The following SLC17A7 variants were observed in gnomAD, a reference collection of about 807,000 sequenced individuals.
SLC17A7 encodes the protein vesicular glutamate transporter 1.
A neutral mutation model predicts 59.1 loss-of-function variants in SLC17A7; 15 were observed. The observed-to-expected ratio is 0.25, with a 90% CI of 0.17 to 0.39. SLC17A7 has a LOEUF of 0.39. Among genes scored for constraint, SLC17A7 ranks in the 10% least tolerant of loss-of-function variants. The pLI, the probability that SLC17A7 is intolerant of heterozygous loss-of-function variation, is 1.00. For synonymous variants in SLC17A7, 353 were observed against 308.9 expected (o/e 1.14, Z -1.50); for missense variants, 499 against 765.1 (o/e 0.65, Z 4.10).
At chr19:49,439,607 A>G (rs1035223100) in intron 1 of SLC17A7, among the ~76,000 whole-genome samples, 3 of 152,096 alleles carry the variant, frequency 2.0e-5, no homozygotes, top group Non-Finnish European at 4.4e-5. Flanking sequence ...ATGGAGCCTC[A>G]GTTTCCCCAT....
chr19:49,439,062 C>G (rs947761477), intron 1 of SLC17A7, among the ~76,000 whole-genome samples: 5 of 152,054 alleles, frequency 3.3e-5, no homozygotes, highest in African/African-American at 9.7e-5. Context: ...AGATGTAAAT[C>G]CCCCTCCCCT....
Position 49,429,891 on chromosome 19 carries a change from G to A in SLC17A7, c.*628C>T, listed in dbSNP as rs2078951163. 7.7e-6 allele frequency: 2 copies of A among 259,454 alleles called. No individual in the cohort carries two copies. Among genetic ancestry groups the A allele is most frequent in the Admixed American group, 5.4e-5 (1 of 18,376 alleles). The allele number at this position is 259,454 out of a possible 1,614,324, so 16.1% of individuals were successfully genotyped here. On this transcript the variant is annotated 3_prime_UTR_variant, in exon 12 of 12. Transcript: ENST00000221485. Reference sequence around the variant, plus strand: ...AGACATTATGCTAAGCTAGGGAGAAGAGGGTCTTGAGAAATTTGGTGCTTT... The same window carrying A: ...AGACATTATGCTAAGCTAGGGAGAAAAGGGTCTTGAGAAATTTGGTGCTTT...
At position 49,430,667 on chromosome 19, in the gene SLC17A7, C is replaced by T. The variant is rs1190319824; in HGVS notation, c.1535G>A (p.Gly512Asp). 1.2e-6 allele frequency: 2 copies of T among 1,614,150 alleles called. No individual in the cohort carries two copies. Among genetic ancestry groups the T allele is most frequent in the Non-Finnish European group, 1.7e-6 (2 of 1,180,000 alleles). ...EMSEEKCGFV[G>D]HDQLAGSDDS... is the part of the protein sequence containing the mutation. Reference sequence around the variant, plus strand: ...GTCACTGCCAGCCAGCTGGTCATGGCCAACGAAGCCACACTTCTCCTCGCT... The same window carrying T: ...GTCACTGCCAGCCAGCTGGTCATGGTCAACGAAGCCACACTTCTCCTCGCT... The change falls in exon 12 of 12, where the codon GGC becomes GAC. Residue 512 changes from glycine (G) to aspartate (D), a missense_variant. Physicochemically the swap from Gly to Asp is moderately conservative, Grantham distance 94. Transcript: ENST00000221485.
chr19:49,433,688 T>A lies in SLC17A7; in HGVS notation c.867+38A>T. 3 of 1,613,916 alleles carry A rather than the reference T, an allele frequency of 1.9e-6. No individual in the cohort carries two copies. Among genetic ancestry groups the A allele is most frequent in the Non-Finnish European group, 2.5e-6 (3 of 1,179,910 alleles). ...CGCTGTGCAGGTTCGTGGCTTGCTA[T>A]CTCTCCCCGCCCCTTCCCCGAAGAT... On this transcript the variant is annotated intron_variant, in intron 7 of 11. Transcript: ENST00000221485. The surrounding 1 kb of genome is among the most constrained non-coding windows in gnomAD (Gnocchi z 5.7).
intron 1 of SLC17A7, among the ~76,000 whole-genome samples, chr19:49,440,148 G>C (rs140818825): frequency 1.2e-4 from 19 of 152,250 alleles, no homozygotes; most frequent in Admixed American, 2.6e-4. Flanking sequence ...CATGTTACTA[G>C]AGGGTGGGGT....
At position 49,430,415 on chromosome 19, in the gene SLC17A7, C is replaced by T; in HGVS notation, c.*104G>A. ...GAACAAGGGAGAGTGCTTCTTAGGC[C>T]TGAGGCAGGACAGAGAGGAGCAGGG... is the stretch of plus-strand genomic sequence containing the variant. On this transcript the variant is annotated 3_prime_UTR_variant, in exon 12 of 12. Coordinates refer to ENST00000221485, the MANE Select transcript of SLC17A7 (RefSeq NM_020309.4). The T allele has an allele frequency of 1.2e-6, 1 of 820,670 alleles. No individual in the cohort carries two copies. Among genetic ancestry groups the T allele is most frequent in the Non-Finnish European group, 1.9e-6 (1 of 526,796 alleles). 50.8% of individuals were successfully genotyped at this position (820,670 alleles called of 1,614,324 possible). A position where few individuals can be genotyped will look rare whatever the true frequency, so the allele number is the denominator to read the frequency against.
rs768376764 is a variant in SLC17A7, at chr19:49,434,930, C to T, written c.435-48G>A. 1.1e-5 allele frequency: 17 copies of T among 1,566,178 alleles called. No homozygotes were observed. The South Asian group carries it at 1.5e-4, about 13-fold the overall frequency. On this transcript the variant is annotated intron_variant, in intron 3 of 11. Coordinates refer to ENST00000221485, the MANE Select transcript of SLC17A7 (RefSeq NM_020309.4). ...AGAATCCAAGCTATCCAGCCATGCC[C>T]GGGATTCTGCCTTTCCCGCCCACAG...
chr19:49,434,189 C>T, intron 5 of SLC17A7, 143 bp from the exon 6 acceptor site: 1 of 640,864 alleles, frequency 1.6e-6, no homozygotes, highest in South Asian at 1.9e-5. Context: ...CAGGCCTAGC[C>T]CCTCCTCGCT....
In SLC17A7 at chr19:49,441,527, T is replaced by C. The variant is rs2079000169; in HGVS notation, c.-148A>G. On this transcript the variant is annotated 5_prime_UTR_variant, in exon 1 of 12. Transcript: ENST00000221485. ...CGCTCGGGGGGAAGGAGGCTGCAAGTGCAGGCGGCCCGGGGGCTGTCACAG... is the reference window on the plus strand; with the variant it reads ...CGCTCGGGGGGAAGGAGGCTGCAAGCGCAGGCGGCCCGGGGGCTGTCACAG... The C allele has an allele frequency of 9.6e-7, 1 of 1,039,432 alleles. No individual in the cohort carries two copies. The allele number at this position is 1,039,432 out of a possible 1,614,324, so 64.4% of individuals were successfully genotyped here. A position where few individuals can be genotyped will look rare whatever the true frequency, so the allele number is the denominator to read the frequency against.
chr19:49,430,852 G>A (rs2122291101), intron 11 of SLC17A7, 40 bp from the exon 12 acceptor site: 1 of 1,574,412 alleles, frequency 6.4e-7, no homozygotes, highest in Non-Finnish European at 8.6e-7. Flanking sequence ...TGGGAGGACA[G>A]AGAAACAGAG....
rs1214518134 is a variant in SLC17A7 at position 49,441,455 on chromosome 19, G to T, written c.-76C>A. ...CCCGCCCGCGGGCCCGGGCGGCCGC[G>T]TCCGGGTTCCCGGGGTCCAGCCCCG... On this transcript the variant is annotated 5_prime_UTR_variant, in exon 1 of 12. Transcript: ENST00000221485. 5 of 1,172,236 alleles carry T rather than the reference G, an allele frequency of 4.3e-6. No individual in the cohort carries two copies. In the African/African-American group the frequency reaches 7.9e-5, roughly 19 times the overall value. 72.6% of individuals were successfully genotyped at this position (1,172,236 alleles called of 1,614,324 possible).
chr19:49,435,150 G>T lies in SLC17A7; in HGVS notation c.434+18C>A. 1 of 1,578,408 alleles carries T rather than the reference G, an allele frequency of 6.3e-7. No individual in the cohort carries two copies. Among genetic ancestry groups the T allele is most frequent in the East Asian group, 2.2e-5 (1 of 44,720 alleles). On this transcript the variant is annotated intron_variant, in intron 3 of 11. Transcript: ENST00000221485. ...CACAACTGTAGTTACCGCCCACTTT[G>T]AGACCCCACCACTGTACCTGTTGGC...
rs915500385 is a variant in SLC17A7 at position 49,430,312 on chromosome 19, T to C, written c.*207A>G. On this transcript the variant is annotated 3_prime_UTR_variant, in exon 12 of 12. Coordinates refer to ENST00000221485, the MANE Select transcript of SLC17A7 (RefSeq NM_020309.4). ...GAGGGAACCTTTAGGGGAATTTGGGTATCCTTGAAACTGTCAGTCTGCAGC... is the reference window on the plus strand; with the variant it reads ...GAGGGAACCTTTAGGGGAATTTGGGCATCCTTGAAACTGTCAGTCTGCAGC... 12 of 488,382 alleles carry C rather than the reference T, an allele frequency of 2.5e-5. No homozygotes were observed. The highest frequency in any genetic ancestry group is 4.3e-5 in the Non-Finnish European group (12 of 278,222). The allele number at this position is 488,382 out of a possible 1,614,324, so 30.3% of individuals were successfully genotyped here. A position where few individuals can be genotyped will look rare whatever the true frequency, so the allele number is the denominator to read the frequency against.
chr19:49,434,530 C>T (rs1600986225), intron 5 of SLC17A7, 72 bp downstream of exon 5: 1 of 1,439,226 alleles, frequency 6.9e-7, no homozygotes, highest in East Asian at 2.3e-5. Flanking sequence ...CCCCTCCCCG[C>T]TCAGACCCAA....
chr19:49,435,434 C>A, intron 2 of SLC17A7, 148 bp from the exon 3 acceptor site: 1 of 647,310 alleles, frequency 1.5e-6, no homozygotes. Context: ...CTCACACTAT[C>A]TTTCTGTCAA....
intron 5 of SLC17A7, 63 bp from the exon 6 acceptor site, chr19:49,434,109 C>A: frequency 9.3e-7 from 1 of 1,072,240 alleles, no homozygotes; most frequent in Non-Finnish European, 1.4e-6. Flanking sequence ...GAGTGCGGAC[C>A]CCCACCGCTT....
In SLC17A7 at chr19:49,431,444, G is replaced by T; in HGVS notation, c.1155C>A (p.Phe385Leu). ...CCAACAGCAGCGTGGCTTCCATGCC[G>T]AAGCCTACGGGGGCGGGGGGGGCCC... ...NVRKLMNCGG[F>L]GMEATLLLVV... The change falls in exon 10 of 12, where the codon TTC (phenylalanine) becomes TTA (leucine). Residue 385 changes from phenylalanine (F) to leucine (L), a missense_variant. Physicochemically the swap from Phe to Leu is conservative, Grantham distance 22 (BLOSUM62 0). Around this residue, in one of 3 missense-constraint regions of SLC17A7, gnomAD observed 323 missense variants for 607.2 expected, o/e 0.53. Transcript: ENST00000221485. The surrounding 1 kb of genome is among the most constrained non-coding windows in gnomAD (Gnocchi z 4.6). 1 of 1,613,474 alleles carries T rather than the reference G, an allele frequency of 6.2e-7. No individual in the cohort carries two copies. The highest frequency in any genetic ancestry group is 8.5e-7 in the Non-Finnish European group (1 of 1,179,798).
At position 49,431,866 on chromosome 19, in the gene SLC17A7, T is replaced by A. The variant is rs1237157638; in HGVS notation, c.1151-418A>T. Among the ~76,000 whole-genome samples, 2 of 152,128 alleles carry A rather than the reference T, an allele frequency of 1.3e-5. No individual in the cohort carries two copies. Among genetic ancestry groups the A allele is most frequent in the South Asian group, 2.1e-4 (1 of 4,828 alleles). On this transcript the variant is annotated intron_variant, in intron 9 of 11. Coordinates refer to ENST00000221485, the MANE Select transcript of SLC17A7 (RefSeq NM_020309.4). The surrounding 1 kb of genome is among the most constrained non-coding windows in gnomAD (Gnocchi z 4.6). ...GTTGCCCAGGCTGGTCTCAAACTCCTGAGCTCAAGTGATCCACCGGCCTTC... is the reference window on the plus strand; with the variant it reads ...GTTGCCCAGGCTGGTCTCAAACTCCAGAGCTCAAGTGATCCACCGGCCTTC...
rs78461219 is a variant in SLC17A7 at position 49,434,565 on chromosome 19, C to T, written c.637+37G>A. The T allele has an allele frequency of 3.7e-3, 5,859 of 1,564,658 alleles. 182 individuals carry two copies. In the African/African-American group the frequency reaches 0.069, roughly 18 times the overall value. On this transcript the variant is annotated intron_variant, in intron 5 of 11. Coordinates refer to ENST00000221485, the MANE Select transcript of SLC17A7 (RefSeq NM_020309.4). Reference sequence around the variant, plus strand: ...ACAGTCCAGGCCCCAACCCCTCCTCCCTCAGATTCAGGAGTGAGGATCCCT... The same window carrying T: ...ACAGTCCAGGCCCCAACCCCTCCTCTCTCAGATTCAGGAGTGAGGATCCCT...
Sources: gnomAD v4.1 joint callset for allele counts (sites outside exome capture counted in the v4.1 genomes callset) on GRCh38, gnomAD v4.1.1 for gene constraint, gnomAD v4.1.1 regional missense constraint, Gnocchi (gnomAD v3.1) non-coding constraint, MANE v1.5 for transcripts, NCBI Gene and HGNC (gene_info 2026-07-23, HGNC 2026-07-21) for gene names.